Variants in DLG5 observed in about 807,000 individuals in gnomAD.
The protein encoded by DLG5 is disks large homolog 5.
A neutral mutation model predicts 189.8 loss-of-function variants in DLG5; 48 were observed. The observed-to-expected ratio is 0.25, with a 90% CI of 0.20 to 0.32. The LOEUF (loss-of-function observed/expected upper bound fraction) is 0.32. DLG5 is among the 10% of genes least tolerant of loss of function. DLG5 has a pLI of 1.00. For synonymous variants in DLG5, 1,016 were observed against 1,054.1 expected (o/e 0.96, Z 0.70); for missense variants, 2,160 against 2,544.7 (o/e 0.85, Z 3.25).
At chr10:77,878,930 G>A (rs780227050) in intron 1 of DLG5, among the ~76,000 whole-genome samples, 1 of 152,158 alleles carries the variant, frequency 6.6e-6, no homozygotes, top group African/African-American at 2.4e-5. Context: ...GTCTGTCCCC[G>A]GAAACACAAG....
the DLG5 span, among the ~76,000 whole-genome samples, chr10:77,933,363 T>C: frequency 6.6e-6 from 1 of 151,960 alleles, no homozygotes; most frequent in East Asian, 1.9e-4. Context: ...CTCAGCTCAC[T>C]GCAACCTCCG....
At chr10:77,809,851 G>T in intron 23 of DLG5, 121 bp from the exon 24 acceptor site, 3 of 1,173,086 alleles carry the variant, frequency 2.6e-6, no homozygotes, top group Non-Finnish European at 3.6e-6. Context: ...ACCACAGGGA[G>T]CTGAGAGGTG....
intron 13 of DLG5, chr10:77,824,757 T>G (rs770955492): frequency 3.2e-5 from 12 of 372,916 alleles, no homozygotes; most frequent in Middle Eastern, 7.0e-4. Context: ...ATCTTGGCAC[T>G]GCTGTGCCCG....
At chr10:77,802,384 A>G (rs1841252176) in intron 27 of DLG5, among the ~76,000 whole-genome samples, 1 of 152,236 alleles carries the variant, frequency 6.6e-6, no homozygotes, top group South Asian at 2.1e-4. Context: ...ATTTTCAGAC[A>G]CAAACACTGA....
intron 27 of DLG5, among the ~76,000 whole-genome samples, chr10:77,803,794 C>T (rs1020180036): frequency 6.6e-6 from 1 of 150,818 alleles, no homozygotes; most frequent in Non-Finnish European, 1.5e-5. Context: ...GAGAAAGGAG[C>T]AGAGGGCACA....
chr10:77,792,396 C>T lies in DLG5; in HGVS notation c.*44G>A. The T allele has an allele frequency of 1.3e-6, 2 of 1,566,356 alleles. No individual in the cohort carries two copies. Among genetic ancestry groups the T allele is most frequent in the East Asian group, 2.2e-5 (1 of 44,598 alleles). On this transcript the variant is annotated 3_prime_UTR_variant, in exon 32 of 32. Coordinates refer to ENST00000372391, the MANE Select transcript of DLG5 (RefSeq NM_004747.4). ...GCTAGAAAAGAGCTGAGTCTGGTGT[C>T]CCCTCAGGCGGCCAGCTGCAGTCAT...
chr10:77,806,863 T>A lies in DLG5; in HGVS notation c.4862A>T (p.Tyr1621Phe). The change falls in exon 26 of 32, where the codon TAC becomes TTC. Residue 1621 changes from tyrosine to phenylalanine, a missense_variant. Around this residue, in one of 5 missense-constraint regions of DLG5, gnomAD observed 574 missense variants for 644.2 expected, o/e 0.89. Transcript: ENST00000372391. The part of the protein sequence containing the change: ...ELSFKKDDIL[Y>F]VDDTLPQGTF... Reference sequence around the variant, plus strand: ...GCCCTGGGGTAAGGTGTCATCCACGTAGAGGATGTCGTCCTTCTTAAAGCT... The same window carrying A: ...GCCCTGGGGTAAGGTGTCATCCACGAAGAGGATGTCGTCCTTCTTAAAGCT... The A allele has an allele frequency of 6.2e-7, 1 of 1,614,104 alleles. No individual in the cohort carries two copies. Among genetic ancestry groups the A allele is most frequent in the Non-Finnish European group, 8.5e-7 (1 of 1,179,988 alleles).
upstream of DLG5, among the ~76,000 whole-genome samples, chr10:77,930,309 C>T (rs1398453814): frequency 6.7e-6 from 1 of 148,802 alleles, no homozygotes; most frequent in East Asian, 2.0e-4. Flanking sequence ...CAATCAGCTT[C>T]TTTTTTTTTT....
At chr10:77,889,291 G>GAA (rs112297100) in intron 1 of DLG5, 5 of 134,544 alleles carry the variant, frequency 3.7e-5, no homozygotes, top group Non-Finnish European at 4.8e-5. Context: ...AGTCACTAGG[G>GAA]AAAAAAAAAA....
intron 1 of DLG5, among the ~76,000 whole-genome samples, chr10:77,874,658 T>C (rs545361022): frequency 1.2e-4 from 19 of 152,244 alleles, no homozygotes; most frequent in East Asian, 3.8e-4. Flanking sequence ...TCATTATGTA[T>C]ATGCAAATAT....
chr10:77,853,287 C>A, intron 5 of DLG5, 67 bp downstream of exon 5: 2 of 1,369,820 alleles, frequency 1.5e-6, no homozygotes, highest in South Asian at 3.6e-5. Flanking sequence ...CTTCTCAATA[C>A]TATTCTCCAT....
intron 22 of DLG5, 70 bp from the exon 23 acceptor site, chr10:77,811,304 A>C: frequency 6.5e-7 from 1 of 1,549,818 alleles, no homozygotes; most frequent in Non-Finnish European, 8.7e-7. Flanking sequence ...CTCCTGTGGC[A>C]ACTAGATCTG....
At chr10:77,816,870 G>T in intron 19 of DLG5, 137 bp downstream of exon 19, 1 of 1,339,592 alleles carries the variant, frequency 7.5e-7, no homozygotes, top group Non-Finnish European at 1.0e-6. Context: ...ACACCACCAG[G>T]CCTACTGCTG....
At chr10:77,797,495 C>T (rs1326948840) in intron 27 of DLG5, among the ~76,000 whole-genome samples, 1 of 152,240 alleles carries the variant, frequency 6.6e-6, no homozygotes, top group African/African-American at 2.4e-5. Flanking sequence ...AGCTGCCTGG[C>T]AATTCCAGGA....
chr10:77,921,662 G>A (rs897400777), intron 1 of DLG5, among the ~76,000 whole-genome samples: 9 of 152,098 alleles, frequency 5.9e-5, no homozygotes, highest in African/African-American at 1.9e-4. Flanking sequence ...CAGCCCACAC[G>A]TCCTCCCTCC....
intron 2 of DLG5, among the ~76,000 whole-genome samples, chr10:77,861,278 A>G (rs1844458879): frequency 6.6e-6 from 1 of 152,240 alleles, no homozygotes; most frequent in African/African-American, 2.4e-5. Flanking sequence ...CAGAATGGCT[A>G]TTCTATGCTA....
Position 77,853,479 on chromosome 10 carries a change from G to C in DLG5, c.739C>G (p.Leu247Val). ...QTRLKDDVDM[L>V]RRENGQLLRE... The stretch of plus-strand genomic sequence containing the variant: ...AGCAGCTGCCCATTCTCCCGCCTCA[G>C]CATGTCCACGTCATCCTTCAGCCGA... The change falls in exon 5 of 32, where the codon CTG becomes GTG. Residue 247 changes from leucine (L) to valine (V), a missense_variant. Transcript: ENST00000372391. 1 of 1,611,806 alleles carries C rather than the reference G, an allele frequency of 6.2e-7. No homozygotes were observed. Among genetic ancestry groups the C allele is most frequent in the Non-Finnish European group, 8.5e-7 (1 of 1,179,308 alleles).
In DLG5 at chr10:77,856,950, G is replaced by A. The variant is rs934805944; in HGVS notation, c.374-58C>T. 40 of 1,535,546 alleles carry A rather than the reference G, an allele frequency of 2.6e-5. No individual in the cohort carries two copies. In the South Asian group the frequency reaches 3.1e-4, roughly 12 times the overall value. ...TTCATCTGGCATTCACGAGGCGCCC[G>A]GTGCTGTCCTGAGCTGTTGGCTTGT... is the stretch of plus-strand genomic sequence containing the variant. On this transcript the variant is annotated intron_variant, in intron 2 of 31. Coordinates refer to ENST00000372391, the MANE Select transcript of DLG5 (RefSeq NM_004747.4).
chr10:77,840,018 A>C (rs1180512007), intron 7 of DLG5, among the ~76,000 whole-genome samples: 1 of 152,262 alleles, frequency 6.6e-6, no homozygotes, highest in East Asian at 1.9e-4. Context: ...TTGTGCAGGC[A>C]CAATGATGTA....
Sources: allele counts gnomAD v4.1 joint callset (sites outside exome capture counted in the v4.1 genomes callset), GRCh38; gene constraint gnomAD v4.1.1; regional missense constraint gnomAD v4.1.1; transcripts MANE v1.5; gene names NCBI Gene and HGNC (gene_info 2026-07-23, HGNC 2026-07-21).